PPP6R2: variants seen among roughly 807,000 people sequenced by gnomAD.
PPP6R2 encodes the protein serine/threonine-protein phosphatase 6 regulatory subunit 2.
Under a neutral mutation model 100.2 loss-of-function variants are expected in PPP6R2, and 62 were observed. That is an observed-to-expected ratio of 0.62 (90% CI 0.50 to 0.76). The LOEUF (loss-of-function observed/expected upper bound fraction) is 0.76. Among genes scored for constraint, PPP6R2 ranks in the 30% least tolerant of loss-of-function variants. The pLI, the probability that PPP6R2 is intolerant of heterozygous loss-of-function variation, is 0.00. For synonymous variants in PPP6R2, 525 were observed against 514.7 expected, an observed-to-expected ratio of 1.02 and a Z score of -0.27; for missense variants, 1,142 against 1,276.3, an observed-to-expected ratio of 0.89 and a Z score of 1.60.
chr22:50,379,354 G>A (rs1450188308), intron 2 of PPP6R2, among the ~76,000 whole-genome samples: 5 of 151,868 alleles, frequency 3.3e-5, no homozygotes, highest in African/African-American at 9.7e-5. Flanking sequence ...AAAATTAGCC[G>A]GGAGCGGTGG....
chr22:50,339,830 TGTGTGTG>T (rs543153641), upstream of PPP6R2, among the ~76,000 whole-genome samples: 36,882 of 93,494 alleles, frequency 0.39, 8,540 homozygotes, highest in African/African-American at 0.64. Flanking sequence ...GGGTATGTAG[TGTGTGTG>T]GTGTGTGGTG....
In PPP6R2 at chr22:50,431,899, C is replaced by T. The variant is rs576629475; in HGVS notation, c.1336-366C>T. ...AGTGCTGAGGGCAGACAGCCCTAGTCGTTCTTCCGGACACAGAGAAAGAGG... is the reference window on the plus strand; with the variant it reads ...AGTGCTGAGGGCAGACAGCCCTAGTTGTTCTTCCGGACACAGAGAAAGAGG... On this transcript the variant is annotated intron_variant, in intron 11 of 23. Coordinates refer to ENST00000612753, the MANE Select transcript of PPP6R2 (RefSeq NM_001242898.2). This position sits in a 1 kb window ranked among gnomAD's most constrained non-coding sequence, Gnocchi z 4.8. Among the ~76,000 whole-genome samples, 17 of 152,184 alleles carry T rather than the reference C, an allele frequency of 1.1e-4. No individual in the cohort carries two copies. Among genetic ancestry groups the T allele is most frequent in the East Asian group, 3.9e-4 (2 of 5,174 alleles).
intron 2 of PPP6R2, among the ~76,000 whole-genome samples, chr22:50,393,127 A>G (rs566025013): frequency 6.6e-6 from 1 of 152,316 alleles, no homozygotes; most frequent in East Asian, 1.9e-4. Flanking sequence ...GTCCAGACAA[A>G]GACAGCAAGA....
In PPP6R2 at chr22:50,433,315, C is replaced by T. The variant is rs535461366; in HGVS notation, c.1400+986C>T. Among the ~76,000 whole-genome samples, 2 of 106,524 alleles carry T rather than the reference C, an allele frequency of 1.9e-5. 1 individual carries two copies. Among genetic ancestry groups the T allele is most frequent in the African/African-American group, 6.7e-5 (2 of 30,048 alleles). 69.9% of individuals were successfully genotyped at this position (106,524 alleles called of 152,430 possible). On this transcript the variant is annotated intron_variant, in intron 12 of 23. Transcript: ENST00000612753. ...GGGGGCATGGATGCTGGGCAGGGGC[C>T]GGGCACTTGCCCTGGAGGTGAACCT...
At chr22:50,351,484 A>G (rs1271134292) in intron 1 of PPP6R2, among the ~76,000 whole-genome samples, 3 of 151,296 alleles carry the variant, frequency 2.0e-5, no homozygotes, top group Non-Finnish European at 4.4e-5. Flanking sequence ...TAGCTATGAA[A>G]ATCCTAGATG....
chr22:50,391,845 T>C (rs934420294), intron 2 of PPP6R2: 2 of 151,784 alleles, frequency 1.3e-5, no homozygotes, highest in African/African-American at 4.8e-5. Flanking sequence ...ATTTCGTCGA[T>C]GGTCTTTTGT....
At chr22:50,346,385 C>G (rs2043716343) in intron 1 of PPP6R2, among the ~76,000 whole-genome samples, 1 of 46,572 alleles carries the variant, frequency 2.1e-5, no homozygotes, top group Non-Finnish European at 4.3e-5. Flanking sequence ...CCAGTCAGTG[C>G]CCCCCAAATC....
chr22:50,357,748 C>T (rs754560281), intron 1 of PPP6R2, among the ~76,000 whole-genome samples: 14 of 151,930 alleles, frequency 9.2e-5, no homozygotes, highest in South Asian at 2.1e-4. Flanking sequence ...CTCGGCCTCC[C>T]GAGTAGCTGG....
At position 50,431,907 on chromosome 22, in the gene PPP6R2, C is replaced by T. The variant is rs1046202675; in HGVS notation, c.1336-358C>T. On this transcript the variant is annotated intron_variant, in intron 11 of 23. Transcript: ENST00000612753. The surrounding 1 kb of genome is among the most constrained non-coding windows in gnomAD (Gnocchi z 4.8). ...GGGCAGACAGCCCTAGTCGTTCTTC[C>T]GGACACAGAGAAAGAGGGCAGGAGA... Among the ~76,000 whole-genome samples, 4 of 152,056 alleles carry T rather than the reference C, an allele frequency of 2.6e-5. No individual in the cohort carries two copies. The highest frequency in any genetic ancestry group is 1.9e-4 in the East Asian group (1 of 5,192).
At chr22:50,394,955 G>A (rs184531593) in intron 3 of PPP6R2, among the ~76,000 whole-genome samples, 3 of 151,330 alleles carry the variant, frequency 2.0e-5, no homozygotes, top group East Asian at 1.9e-4. Context: ...GTCTTGTGCC[G>A]GCATTTTTTC....
intron 2 of PPP6R2, among the ~76,000 whole-genome samples, chr22:50,377,558 G>C (rs572883053): frequency 6.6e-6 from 1 of 152,182 alleles, no homozygotes; most frequent in Non-Finnish European, 1.5e-5. Flanking sequence ...ATGAAGCACA[G>C]AGAAAATGAT....
At chr22:50,415,181 GAGGATGCCCCCC>G (rs2060355652) in intron 5 of PPP6R2, among the ~76,000 whole-genome samples, 1 of 152,236 alleles carries the variant, frequency 6.6e-6, no homozygotes, top group Non-Finnish European at 1.5e-5. Flanking sequence ...CCGAAAAGAG[GAGGATGCCCCCC>G]AGATAAGCCC....
intron 2 of PPP6R2, among the ~76,000 whole-genome samples, chr22:50,385,405 G>T (rs527611767): frequency 2.0e-5 from 3 of 150,628 alleles, no homozygotes; most frequent in South Asian, 4.2e-4. Context: ...CACCATGTTG[G>T]CCAGGCTGGT....
intron 3 of PPP6R2, among the ~76,000 whole-genome samples, chr22:50,397,954 T>G (rs1322079555): frequency 7.6e-6 from 1 of 132,268 alleles, no homozygotes; most frequent in African/African-American, 3.0e-5. Context: ...CTCTGAGGAG[T>G]GTGACTTGGG....
chr22:50,358,572 A>T (rs2047088712), intron 1 of PPP6R2, among the ~76,000 whole-genome samples: 1 of 152,232 alleles, frequency 6.6e-6, no homozygotes, highest in South Asian at 2.1e-4. Flanking sequence ...ATATGTATAC[A>T]TTTGTGAAAT....
intron 1 of PPP6R2, among the ~76,000 whole-genome samples, chr22:50,351,392 A>G (rs1014388453): frequency 6.8e-6 from 1 of 147,542 alleles, no homozygotes; most frequent in African/African-American, 2.5e-5. Flanking sequence ...ATAAATGAGC[A>G]TTCAATTTAA....
chr22:50,415,566 G>A lies in PPP6R2; in HGVS notation c.553-526G>A, dbSNP rs555489146. 7.2e-5 allele frequency among the ~76,000 whole-genome samples: 11 copies of A among 152,390 alleles called. No homozygotes were observed. The South Asian group carries it at 1.4e-3, about 20-fold the overall frequency. ...ACAGCTCATCCCATTTTTGGATAAG[G>A]AATTTAGGCACAGGGCGCAGCAGTG... is the stretch of plus-strand genomic sequence containing the variant. On this transcript the variant is annotated intron_variant, in intron 5 of 23. Coordinates refer to ENST00000612753, the MANE Select transcript of PPP6R2 (RefSeq NM_001242898.2).
At chr22:50,439,650 G>A in intron 19 of PPP6R2, 51 bp from the exon 20 acceptor site, 5 of 1,473,864 alleles carry the variant, frequency 3.4e-6, no homozygotes, top group Non-Finnish European at 4.5e-6. Flanking sequence ...CCCTTTGCCT[G>A]CAGCACCCCA....
rs374707445 is a variant in PPP6R2 at position 50,385,446 on chromosome 22, G to A, written c.-16-8447G>A. Among the ~76,000 whole-genome samples the A allele has an allele frequency of 4.6e-5, 7 of 150,870 alleles. No individual in the cohort carries two copies. The South Asian group carries it at 6.3e-4, about 14-fold the overall frequency. ...ACTCCTGACCTCAGGTGATCCACCT[G>A]CCTTGGCTTCCCAAAATGCCGGGAT... is the stretch of plus-strand genomic sequence containing the variant. On this transcript the variant is annotated intron_variant, in intron 2 of 23. Coordinates refer to ENST00000612753, the MANE Select transcript of PPP6R2 (RefSeq NM_001242898.2).
Sources: allele counts gnomAD v4.1 joint callset (sites outside exome capture counted in the v4.1 genomes callset), GRCh38; gene constraint gnomAD v4.1.1; non-coding constraint Gnocchi (gnomAD v3.1); transcripts MANE v1.5; gene names NCBI Gene and HGNC (gene_info 2026-07-23, HGNC 2026-07-21).